The following MRPS31 variants were observed in gnomAD, a reference collection of about 807,000 sequenced individuals.
MRPS31 encodes mitochondrial ribosomal protein S31.
Under a neutral mutation model 43.1 loss-of-function variants are expected in MRPS31, and 32 were observed. The ratio of observed to expected loss-of-function variants is 0.74; its 90% confidence interval spans 0.56 to 1.00. MRPS31 has a LOEUF of 1.00. Among genes scored for constraint, MRPS31 ranks in the 50% least tolerant of loss-of-function variants. The pLI, the probability that MRPS31 is intolerant of heterozygous loss-of-function variation, is 0.00. For synonymous variants in MRPS31, 165 were observed against 161.6 expected (o/e 1.02, Z -0.16); for missense variants, 437 against 466.7 (o/e 0.94, Z 0.59).
intron 1 of MRPS31, among the ~76,000 whole-genome samples, chr13:40,768,120 T>C (rs1156334677): frequency 1.3e-5 from 2 of 152,258 alleles, no homozygotes; most frequent in Admixed American, 1.3e-4. Context: ...AATTTTATTC[T>C]GTGGGGTTAA....
chr13:40,735,223 A>G (rs1481592770), intron 6 of MRPS31, among the ~76,000 whole-genome samples: 1 of 152,222 alleles, frequency 6.6e-6, no homozygotes, highest in Non-Finnish European at 1.5e-5. Context: ...GCGCTTTTCC[A>G]ACGGGCTTAA....
intron 6 of MRPS31, among the ~76,000 whole-genome samples, chr13:40,735,601 C>T (rs1177344926): frequency 1.3e-5 from 2 of 152,102 alleles, no homozygotes; most frequent in South Asian, 4.2e-4. Context: ...GGCAGACTGC[C>T]TCCTCAAGTG....
At chr13:40,738,632 A>C (rs955292819) in intron 6 of MRPS31, among the ~76,000 whole-genome samples, 2 of 152,194 alleles carry the variant, frequency 1.3e-5, no homozygotes, top group Admixed American at 6.5e-5. Flanking sequence ...GGCTGGTTCA[A>C]TATACGCAAA....
chr13:40,743,993 A>C lies in MRPS31; in HGVS notation c.958+5145T>G, dbSNP rs116490109. Among the ~76,000 whole-genome samples, 493 of 152,326 alleles carry C rather than the reference A, an allele frequency of 3.2e-3. 3 individuals are homozygous for C. The highest frequency in any genetic ancestry group is 0.011 in the African/African-American group (475 of 41,558). On this transcript the variant is annotated intron_variant, in intron 6 of 6. Coordinates refer to ENST00000323563, the MANE Select transcript of MRPS31 (RefSeq NM_005830.4). ...GGACTGGATAAAGAAAATGGGGTACATACACACCATGGGATACTATGCAGC... is the reference window on the plus strand; with the variant it reads ...GGACTGGATAAAGAAAATGGGGTACCTACACACCATGGGATACTATGCAGC...
chr13:40,752,966 C>T (rs968454955), intron 5 of MRPS31, among the ~76,000 whole-genome samples: 5 of 152,102 alleles, frequency 3.3e-5, no homozygotes, highest in Admixed American at 2.0e-4. Context: ...AACTCCTAGT[C>T]GCAAGCCATC....
chr13:40,747,770 G>A (rs1433481443), intron 6 of MRPS31, among the ~76,000 whole-genome samples: 1 of 152,050 alleles, frequency 6.6e-6, no homozygotes, highest in Non-Finnish European at 1.5e-5. Flanking sequence ...TTGAACCCGG[G>A]AGGAGGAGGT....
At chr13:40,747,930 C>T (rs1880283973) in intron 6 of MRPS31, among the ~76,000 whole-genome samples, 1 of 152,104 alleles carries the variant, frequency 6.6e-6, no homozygotes, top group Non-Finnish European at 1.5e-5. Context: ...TAAAAAGTAA[C>T]ACTTTATGTT....
intron 2 of MRPS31, among the ~76,000 whole-genome samples, chr13:40,759,439 A>G (rs1255717458): frequency 2.0e-5 from 3 of 152,198 alleles, no homozygotes; most frequent in Non-Finnish European, 2.9e-5. Flanking sequence ...CTCTGTCTCA[A>G]AAAAACCAAA....
chr13:40,753,083 T>A (rs1880436514), intron 5 of MRPS31, among the ~76,000 whole-genome samples: 1 of 152,210 alleles, frequency 6.6e-6, no homozygotes. Flanking sequence ...CTAGAGACCA[T>A]TTGTATTAAG....
chr13:40,747,606 G>A (rs1283383185), intron 6 of MRPS31, among the ~76,000 whole-genome samples: 4 of 152,070 alleles, frequency 2.6e-5, no homozygotes, highest in Non-Finnish European at 4.4e-5. Context: ...GGCCAGGTGC[G>A]GTGGCTCAAG....
At chr13:40,762,510 T>C (rs1240454731) in intron 2 of MRPS31, among the ~76,000 whole-genome samples, 3 of 151,708 alleles carry the variant, frequency 2.0e-5, no homozygotes, top group Admixed American at 6.6e-5. Context: ...CACAGCTCAC[T>C]GCAGCCTCAA....
chr13:40,755,285 C>T (rs528051637), intron 4 of MRPS31, among the ~76,000 whole-genome samples: 20 of 152,288 alleles, frequency 1.3e-4, no homozygotes, highest in African/African-American at 4.6e-4. Context: ...CTCCCTCAAC[C>T]GCACGTCTGA....
chr13:40,762,225 C>G (rs1566111489), intron 2 of MRPS31, among the ~76,000 whole-genome samples: 1 of 152,050 alleles, frequency 6.6e-6, no homozygotes, highest in African/African-American at 2.4e-5. Context: ...GAGCAAGACT[C>G]TGTATCAAAA....
intron 6 of MRPS31, among the ~76,000 whole-genome samples, chr13:40,745,158 C>T (rs996753919): frequency 6.8e-6 from 1 of 146,188 alleles, no homozygotes; most frequent in Non-Finnish European, 1.5e-5. Flanking sequence ...CTAACCTCAA[C>T]TGATCCACCC....
At chr13:40,747,888 A>G (rs1423866648) in intron 6 of MRPS31, among the ~76,000 whole-genome samples, 1 of 152,154 alleles carries the variant, frequency 6.6e-6, no homozygotes, top group African/African-American at 2.4e-5. Flanking sequence ...AGAATTTGCT[A>G]AAAGAATCTC....
At chr13:40,737,793 T>C (rs1005614907) in intron 6 of MRPS31, among the ~76,000 whole-genome samples, 2 of 151,452 alleles carry the variant, frequency 1.3e-5, no homozygotes, top group Non-Finnish European at 2.9e-5. Flanking sequence ...AAGCAGTGTG[T>C]AGAGGGAAAT....
intron 6 of MRPS31, among the ~76,000 whole-genome samples, chr13:40,738,578 A>T (rs1879990814): frequency 6.6e-6 from 1 of 152,034 alleles, no homozygotes; most frequent in Admixed American, 6.6e-5. Context: ...CACATCAAAA[A>T]GCTTATCCAT....
intron 3 of MRPS31, among the ~76,000 whole-genome samples, chr13:40,758,026 C>G (rs975289639): frequency 2.6e-5 from 4 of 151,676 alleles, no homozygotes; most frequent in African/African-American, 9.7e-5. Context: ...ACCTGTAGTC[C>G]CAGCTACTCG....
intron 6 of MRPS31, 85 bp downstream of exon 6, chr13:40,749,053 G>GT: frequency 7.4e-7 from 1 of 1,345,126 alleles, no homozygotes; most frequent in Non-Finnish European, 1.0e-6. Flanking sequence ...TGAAATTCAT[G>GT]TAAGTATCTA....
Sources: allele counts gnomAD v4.1 joint callset (sites outside exome capture counted in the v4.1 genomes callset), GRCh38; gene constraint gnomAD v4.1.1; transcripts MANE v1.5; gene names NCBI Gene and HGNC (gene_info 2026-07-23, HGNC 2026-07-21).